MGAM2: variants seen among roughly 807,000 people sequenced by gnomAD.
MGAM2 encodes the protein maltase-glucoamylase 2 (putative).
Under a neutral mutation model 96.1 loss-of-function variants are expected in MGAM2, and 98 were observed. The ratio of observed to expected loss-of-function variants is 1.02; its 90% CI spans 0.87 to 1.21. MGAM2 has a LOEUF of 1.21. Ranked by LOEUF, MGAM2 falls within the 50% of genes most tolerant of loss-of-function variation. The probability of loss-of-function intolerance (pLI) is 0.00; values close to 1 mark genes in which losing one functional copy is unlikely to be tolerated. For missense variants in MGAM2, 2,055 were observed against 1,182.4 expected (o/e 1.74, Z -10.82); for synonymous variants, 749 against 414.8 (o/e 1.81, Z -9.79).
Position 142,196,431 on chromosome 7 carries a change from T to C in MGAM2, c.4481-134T>C. On this transcript the variant is annotated intron_variant, in intron 38 of 47. Coordinates refer to ENST00000477922, the MANE Select transcript of MGAM2 (RefSeq NM_001293626.2). Reference sequence around the variant, plus strand: ...CTGAGTTCTCTCTGGGCGTGGATTTTAATTTACACCCATCTTTTAATATTT... The same window carrying C: ...CTGAGTTCTCTCTGGGCGTGGATTTCAATTTACACCCATCTTTTAATATTT... The C allele has an allele frequency of 3.5e-5, 23 of 657,142 alleles. No homozygotes were observed. The South Asian group carries it at 3.8e-4, about 11-fold the overall frequency. The allele number at this position is 657,142 out of a possible 1,614,324, so 40.7% of individuals were successfully genotyped here.
At chr7:142,140,740 T>C (rs1585156287) in intron 10 of MGAM2, 62 bp from the exon 11 acceptor site, 1 of 632,388 alleles carries the variant, frequency 1.6e-6, no homozygotes, top group East Asian at 2.8e-5. Context: ...ACCAGAGCTG[T>C]AATACTTTCC....
At chr7:142,151,508 T>A (rs1418537140) in intron 15 of MGAM2, among the ~76,000 whole-genome samples, 1 of 152,210 alleles carries the variant, frequency 6.6e-6, no homozygotes, top group Non-Finnish European at 1.5e-5. Flanking sequence ...TTTCCTCATC[T>A]CTGAAATGAG....
chr7:142,186,153 T>G, intron 35 of MGAM2, 30 bp downstream of exon 35: 1 of 691,492 alleles, frequency 1.4e-6, no homozygotes, highest in South Asian at 1.5e-5. Flanking sequence ...TCTTTTTTTT[T>G]TTTTTGGAAA....
At chr7:142,213,245 CA>C (rs142308390) in intron 46 of MGAM2, among the ~76,000 whole-genome samples, 1,648 of 152,256 alleles carry the variant, frequency 0.011, 31 homozygotes, top group African/African-American at 0.037. Flanking sequence ...AACACCCTAA[CA>C]TCATAGTTAA....
intron 6 of MGAM2, among the ~76,000 whole-genome samples, chr7:142,133,177 G>A (rs964924142): frequency 2.0e-3 from 276 of 136,538 alleles, no homozygotes; most frequent in African/African-American, 7.0e-3. Context: ...TTTAATACAT[G>A]TTAATATACA....
At chr7:142,133,461 A>G (rs1051324551) in intron 6 of MGAM2, among the ~76,000 whole-genome samples, 1 of 151,878 alleles carries the variant, frequency 6.6e-6, no homozygotes, top group African/African-American at 2.4e-5. Flanking sequence ...TGTGAATTTT[A>G]CTATCAAGCA....
chr7:142,162,946 C>T (rs778434876), intron 23 of MGAM2, among the ~76,000 whole-genome samples: 7 of 152,026 alleles, frequency 4.6e-5, no homozygotes, highest in Non-Finnish European at 1.0e-4. Flanking sequence ...TTGCTTCTTC[C>T]CCAATCCCTC....
At chr7:142,188,470 A>G (rs1370988810) in intron 36 of MGAM2, among the ~76,000 whole-genome samples, 2 of 152,164 alleles carry the variant, frequency 1.3e-5, no homozygotes, top group East Asian at 3.9e-4. Flanking sequence ...ACCAAAAACC[A>G]GAAAAACAAC....
chr7:142,168,332 C>T (rs906968962), intron 26 of MGAM2, among the ~76,000 whole-genome samples: 2 of 150,318 alleles, frequency 1.3e-5, no homozygotes, highest in Admixed American at 6.6e-5. Context: ...TGTAGTGGTG[C>T]GATCTTGGCT....
At position 142,221,112 on chromosome 7, in the gene MGAM2, A is replaced by G; in HGVS notation, c.6601A>G (p.Met2201Val). 1 of 702,480 alleles carries G rather than the reference A, an allele frequency of 1.4e-6. No individual in the cohort carries two copies. The highest frequency in any genetic ancestry group is 1.5e-5 in the South Asian group (1 of 67,582). The allele number at this position is 702,480 out of a possible 1,614,324, so 43.5% of individuals were successfully genotyped here. ...VDTTSNSFSI[M>V]TTSFSESTNA... Reference sequence around the variant, plus strand: ...CACTACTAGCAACAGTTTTTCCATTATGACCACTTCTTTCTCTGAAAGTAC... The same window carrying G: ...CACTACTAGCAACAGTTTTTCCATTGTGACCACTTCTTTCTCTGAAAGTAC... Residue 2201 changes from methionine (M) to valine (V), a missense_variant, in exon 48 of 48, where the codon ATG (methionine) becomes GTG (valine). Transcript: ENST00000477922.
At chr7:142,116,795 T>A (rs1186812363) in intron 1 of MGAM2, 79 bp from the exon 2 acceptor site, 3 of 690,056 alleles carry the variant, frequency 4.3e-6, no homozygotes, top group Non-Finnish European at 8.0e-6. Context: ...ATTCCACATT[T>A]GGATACAATG....
At chr7:142,127,848 T>G (rs2129076099) in intron 3 of MGAM2, among the ~76,000 whole-genome samples, 1 of 152,308 alleles carries the variant, frequency 6.6e-6, no homozygotes, top group South Asian at 2.1e-4. Flanking sequence ...TGGGTATGTC[T>G]CTGTTAGCAG....
At chr7:142,196,060 CG>C (rs1797023605) in intron 37 of MGAM2, 93 bp from the exon 38 acceptor site, 2 of 698,260 alleles carry the variant, frequency 2.9e-6, no homozygotes, top group Non-Finnish European at 5.2e-6. Flanking sequence ...TGACTCGGAC[CG>C]AAGTACCCTC....
At chr7:142,173,031 A>G (rs1383302299) in intron 30 of MGAM2, among the ~76,000 whole-genome samples, 198 bp from the exon 31 acceptor site, 2 of 152,224 alleles carry the variant, frequency 1.3e-5, no homozygotes, top group African/African-American at 4.8e-5. Context: ...AAAACTCTGG[A>G]ATACAGAAAA....
At position 142,175,710 on chromosome 7, in the gene MGAM2, C is replaced by T. The variant is rs1309884192; in HGVS notation, c.3746C>T (p.Ala1249Val). ...CGGAAGCTGGATTTCACCCTCAGTG[C>T]CAACTTTCAAAACCTCAGTCTTCTG... ...MNRKLDFTLS[A>V]NFQNLSLLIE... The change falls in exon 32 of 48, where the codon GCC becomes GTC. Residue 1249 changes from alanine to valine, a missense_variant. By Grantham distance (64) the Ala-to-Val change is moderately conservative. Coordinates refer to ENST00000477922, the MANE Select transcript of MGAM2 (RefSeq NM_001293626.2). 1 of 702,700 alleles carries T rather than the reference C, an allele frequency of 1.4e-6. No homozygotes were observed. Among genetic ancestry groups the T allele is most frequent in the Non-Finnish European group, 2.6e-6 (1 of 384,974 alleles). The allele number at this position is 702,700 out of a possible 1,614,324, so 43.5% of individuals were successfully genotyped here. A position where few individuals can be genotyped will look rare whatever the true frequency, so the allele number is the denominator to read the frequency against.
chr7:142,183,363 T>C lies in MGAM2; in HGVS notation c.3914T>C (p.Val1305Ala), dbSNP rs576657782. The change falls in exon 33 of 48, where the codon GTC becomes GCC. Residue 1305 changes from valine to alanine, a missense_variant. Coordinates refer to ENST00000477922, the MANE Select transcript of MGAM2 (RefSeq NM_001293626.2). ...AAATGGCCTGACACCAATGACATTG[T>C]CTGGGGAAAGGTAAGGCTTGGGGAA... is the stretch of plus-strand genomic sequence containing the variant. ...FIKWPDTNDI[V>A]WGKVWPDLPN... 4.1e-5 allele frequency: 29 copies of C among 702,844 alleles called. No homozygotes were observed. The highest frequency in any genetic ancestry group is 7.5e-5 in the Non-Finnish European group (29 of 384,916). The allele number at this position is 702,844 out of a possible 1,614,324, so 43.5% of individuals were successfully genotyped here. A position where few individuals can be genotyped will look rare whatever the true frequency, so the allele number is the denominator to read the frequency against.
intron 32 of MGAM2, 140 bp downstream of exon 32, chr7:142,175,920 G>A (rs1317752400): frequency 4.5e-6 from 2 of 440,872 alleles, no homozygotes; most frequent in African/African-American, 2.0e-5. Context: ...GCAACTTCTT[G>A]TGGTGAATCT....
chr7:142,171,622 A>G (rs1796191404), intron 28 of MGAM2, among the ~76,000 whole-genome samples, 182 bp downstream of exon 28: 1 of 56,616 alleles, frequency 1.8e-5, no homozygotes, highest in South Asian at 6.8e-4. Flanking sequence ...ATATATATAT[A>G]TATATATATA....
In MGAM2 at chr7:142,131,948, C is replaced by T. The variant is rs1200312616; in HGVS notation, c.438C>T (p.Asn146=). 6 of 702,386 alleles carry T rather than the reference C, an allele frequency of 8.5e-6. 1 individual carries two copies. The South Asian group carries it at 8.9e-5, about 10-fold the overall frequency. The allele number at this position is 702,386 out of a possible 1,614,324, so 43.5% of individuals were successfully genotyped here. Residue 146 remains asparagine, a synonymous_variant, in exon 6 of 48, where the codon AAC becomes AAT. Transcript: ENST00000477922. The part of the protein sequence containing the change: ...RFHFKITDFN[N]IRYEVSHENI... Reference sequence around the variant, plus strand: ...TTTGACAGATCACTGACTTTAATAACATACGCTATGAAGTTTCCCATGAAA... The same window carrying T: ...TTTGACAGATCACTGACTTTAATAATATACGCTATGAAGTTTCCCATGAAA...
Sources: allele counts gnomAD v4.1 joint callset (sites outside exome capture counted in the v4.1 genomes callset), GRCh38; gene constraint gnomAD v4.1.1; transcripts MANE v1.5; gene names NCBI Gene and HGNC (gene_info 2026-07-23, HGNC 2026-07-21).